EPB41L3: variants seen among roughly 807,000 people sequenced by gnomAD.
EPB41L3 encodes erythrocyte membrane protein band 4.1 like 3.
In EPB41L3, 57 loss-of-function variants were observed where a neutral mutation model predicts 127.1. The observed-to-expected ratio is 0.45, with a 90% CI of 0.36 to 0.56. The LOEUF is 0.56. Ranked by LOEUF, EPB41L3 falls within the 20% of genes least tolerant of loss-of-function variation. The pLI is 0.00. For missense variants in EPB41L3, 1,273 were observed against 1,372.2 expected, an observed-to-expected ratio of 0.93 and a Z score of 1.14; for synonymous variants, 572 against 549.5, an observed-to-expected ratio of 1.04 and a Z score of -0.57.
intron 1 of EPB41L3, among the ~76,000 whole-genome samples, chr18:5,617,887 A>G (rs1033565741): frequency 6.6e-6 from 1 of 152,218 alleles, no homozygotes; most frequent in East Asian, 1.9e-4. Context: ...CAGATGAGGG[A>G]TTCAAGAAGG....
At chr18:5,574,871 G>C (rs1277136019) in intron 3 of EPB41L3, among the ~76,000 whole-genome samples, 1 of 152,176 alleles carries the variant, frequency 6.6e-6, no homozygotes, top group East Asian at 1.9e-4. Context: ...GAACTTGGCT[G>C]TGAGTATGAC....
At chr18:5,468,947 AAACAAAC>A (rs2085539461) in intron 3 of EPB41L3, among the ~76,000 whole-genome samples, 1 of 146,934 alleles carries the variant, frequency 6.8e-6, no homozygotes, top group Admixed American at 6.9e-5. Context: ...ACAAACAAAC[AAACAAAC>A]AAAAAACAAA....
intron 13 of EPB41L3, among the ~76,000 whole-genome samples, chr18:5,412,218 G>A (rs1308949292): frequency 1.3e-5 from 2 of 151,846 alleles, no homozygotes; most frequent in East Asian, 3.9e-4. Context: ...TATTTTTTTA[G>A]ACAGGGTCTC....
chr18:5,415,752 C>T (rs975371276), intron 13 of EPB41L3, 66 bp downstream of exon 13: 1 of 1,482,770 alleles, frequency 6.7e-7, no homozygotes, highest in Non-Finnish European at 9.2e-7. Context: ...CAGCAGCCAG[C>T]TAACACTGTT....
Position 5,416,204 on chromosome 18 carries a change from G to A in EPB41L3, c.1681C>T (p.Pro561Ser), listed in dbSNP as rs765361578. ...PGEPALDSDGPGRPYLGDQDV... is the reference protein window; with the variant it reads ...PGEPALDSDGSGRPYLGDQDV... ...TGATCCCCTAGGTAAGGCCTCCCTG[G>A]GCCATCAGAGTCCAAGGCGGGCTCT... is the stretch of plus-strand genomic sequence containing the variant. Residue 561 changes from proline to serine, a missense_variant, in exon 13 of 23, where the codon CCA becomes TCA. Coordinates refer to ENST00000341928, the MANE Select transcript of EPB41L3 (RefSeq NM_012307.5). The A allele has an allele frequency of 1.9e-6, 3 of 1,614,022 alleles. No homozygotes were observed. Among genetic ancestry groups the A allele is most frequent in the Non-Finnish European group, 2.5e-6 (3 of 1,180,040 alleles).
At chr18:5,472,378 C>G (rs949857826) in intron 3 of EPB41L3, among the ~76,000 whole-genome samples, 6 of 152,136 alleles carry the variant, frequency 3.9e-5, no homozygotes, top group Non-Finnish European at 5.9e-5. Context: ...ATTCTTCAAG[C>G]AGGAAATTAC....
intron 6 of EPB41L3, among the ~76,000 whole-genome samples, chr18:5,434,875 A>G (rs1410180948): frequency 6.6e-6 from 1 of 152,242 alleles, no homozygotes; most frequent in East Asian, 1.9e-4. Flanking sequence ...CAGGTGCTTC[A>G]GAGGTATCAG....
intron 3 of EPB41L3, among the ~76,000 whole-genome samples, 153 bp from the exon 4 acceptor site, chr18:5,445,397 T>C (rs574350094): frequency 6.6e-6 from 1 of 152,288 alleles, no homozygotes; most frequent in Admixed American, 6.5e-5. Flanking sequence ...CCTGTTTAAG[T>C]GCAAAAATGG....
At position 5,422,746 on chromosome 18, in the gene EPB41L3, CT is replaced by C. The variant is rs1410228363; in HGVS notation, c.1339+631del. ...TAAAAATTCACTGTTGTGTTATCCC[CT>C]AAAAAGGTAGTTTGAATGATCATCT... On this transcript the variant is annotated intron_variant, in intron 11 of 22. Transcript: ENST00000341928. 3.3e-5 allele frequency among the ~76,000 whole-genome samples: 5 copies of C among 152,128 alleles called. No homozygotes were observed. In the East Asian group the frequency reaches 9.6e-4, roughly 29 times the overall value.
chr18:5,622,762 G>T (rs2094877680), intron 1 of EPB41L3, among the ~76,000 whole-genome samples: 1 of 152,096 alleles, frequency 6.6e-6, no homozygotes, highest in Non-Finnish European at 1.5e-5. Context: ...CAGACTCCTG[G>T]TCTCCTTCTT....
At chr18:5,424,609 T>C (rs1018001500) in intron 9 of EPB41L3, among the ~76,000 whole-genome samples, 10 of 152,248 alleles carry the variant, frequency 6.6e-5, no homozygotes, top group African/African-American at 1.9e-4. Context: ...GTGTATCTTA[T>C]GATACAACTG....
chr18:5,452,846 T>C (rs2082477702), intron 3 of EPB41L3, among the ~76,000 whole-genome samples: 1 of 152,146 alleles, frequency 6.6e-6, no homozygotes. Context: ...ATAGTTAAAA[T>C]ACACTTTTAC....
At chr18:5,405,277 C>G (rs1419027601) in intron 16 of EPB41L3, among the ~76,000 whole-genome samples, 1 of 152,192 alleles carries the variant, frequency 6.6e-6, no homozygotes, top group Non-Finnish European at 1.5e-5. Flanking sequence ...TCACCAAAGC[C>G]TAAGTTTTAA....
intron 3 of EPB41L3, among the ~76,000 whole-genome samples, chr18:5,608,874 G>A (rs969807058): frequency 4.6e-5 from 7 of 152,018 alleles, no homozygotes; most frequent in Admixed American, 6.6e-5. Context: ...TAATTGTGTC[G>A]AATCAACAGC....
chr18:5,419,283 T>C (rs1186405083), intron 12 of EPB41L3, among the ~76,000 whole-genome samples: 2 of 152,204 alleles, frequency 1.3e-5, no homozygotes, highest in African/African-American at 4.8e-5. Context: ...GGTCACTCCA[T>C]GTACTTACAG....
chr18:5,459,379 T>C, intron 3 of EPB41L3, among the ~76,000 whole-genome samples: 1 of 146,606 alleles, frequency 6.8e-6, no homozygotes. Context: ...ATTGAGAGCC[T>C]AATGTCCATT....
intron 1 of EPB41L3, among the ~76,000 whole-genome samples, chr18:5,536,865 A>G (rs2093589942): frequency 6.6e-6 from 1 of 152,098 alleles, no homozygotes; most frequent in African/African-American, 2.4e-5. Flanking sequence ...CAAACAAAAA[A>G]TGGTTACATA....
chr18:5,509,301 G>T (rs975265797), intron 1 of EPB41L3, among the ~76,000 whole-genome samples: 2 of 152,210 alleles, frequency 1.3e-5, no homozygotes, highest in African/African-American at 4.8e-5. Flanking sequence ...ATTTTCTTGA[G>T]TTGGAGAATT....
chr18:5,424,317 G>T lies in EPB41L3; in HGVS notation c.1108C>A (p.His370Asn). ...ESTIGFKLPN[H>N]RAAKRLWKVC... ...TTCCATAAACGCTTGGCAGCTCGAT[G>T]GTTTGGCAGCTTAAACCCAATGGTG... Residue 370 changes from histidine (H) to asparagine (N), a missense_variant, in exon 10 of 23, where the codon CAT (histidine) becomes AAT (asparagine). By Grantham distance (68) the His-to-Asn change is moderately conservative. Around this residue, in one of 3 missense-constraint regions of EPB41L3, gnomAD observed 326 missense variants for 440.2 expected, o/e 0.74. Transcript: ENST00000341928. The T allele has an allele frequency of 6.2e-7, 1 of 1,607,906 alleles. No individual in the cohort carries two copies. Among genetic ancestry groups the T allele is most frequent in the South Asian group, 1.1e-5 (1 of 89,750 alleles).
Sources: allele counts gnomAD v4.1 joint callset (sites outside exome capture counted in the v4.1 genomes callset), GRCh38; gene constraint gnomAD v4.1.1; regional missense constraint gnomAD v4.1.1; transcripts MANE v1.5; gene names NCBI Gene and HGNC (gene_info 2026-07-23, HGNC 2026-07-21).